The following TBC1D5 variants were observed in gnomAD, a reference collection of about 807,000 sequenced individuals.
The protein encoded by TBC1D5 is TBC1 domain family, member 5.
Under a neutral mutation model 100.3 loss-of-function variants are expected in TBC1D5, and 75 were observed. The ratio of observed to expected loss-of-function variants is 0.75; its 90% CI spans 0.62 to 0.91. The LOEUF is 0.91. Among genes scored for constraint, TBC1D5 ranks in the 40% least tolerant of loss-of-function variants. The pLI, the probability that TBC1D5 is intolerant of heterozygous loss-of-function variation, is 0.00. For missense variants in TBC1D5, 910 were observed against 942.4 expected (o/e 0.97, Z 0.45); for synonymous variants, 323 against 325.6 (o/e 0.99, Z 0.09).
Position 17,302,264 on chromosome 3 carries a change from G to C in TBC1D5, c.1138+5728C>G, listed in dbSNP as rs139452154. Among the ~76,000 whole-genome samples the C allele has an allele frequency of 3.6e-3, 527 of 146,994 alleles. 4 individuals are homozygous for C. The highest frequency in any genetic ancestry group is 0.013 in the African/African-American group (499 of 39,440). ...ATCACTCCAACCTCTGCTTCTGGCT[G>C]TCTTCACACGGCTTTCTTCTCCCTG... On this transcript the variant is annotated intron_variant, in intron 14 of 21. Coordinates refer to ENST00000253692, the Ensembl canonical transcript of TBC1D5.
At chr3:17,422,786 T>C (rs182148982) in intron 4 of TBC1D5, among the ~76,000 whole-genome samples, 84 of 152,294 alleles carry the variant, frequency 5.5e-4, no homozygotes, top group Non-Finnish European at 9.7e-4. Flanking sequence ...ATACGAATCT[T>C]TGTGCTAAAA....
chr3:17,438,181 C>T (rs1280599662), intron 3 of TBC1D5, among the ~76,000 whole-genome samples: 4 of 152,138 alleles, frequency 2.6e-5, no homozygotes, highest in Admixed American at 6.5e-5. Context: ...GCATTTTAGA[C>T]AATTACAAAA....
At chr3:17,171,740 T>C (rs1028323079) in intron 19 of TBC1D5, among the ~76,000 whole-genome samples, 2 of 152,176 alleles carry the variant, frequency 1.3e-5, no homozygotes, top group African/African-American at 4.8e-5. Context: ...TAAGGTCACG[T>C]TCACAGGTTC....
At chr3:17,593,552 G>T (rs929510080) in intron 2 of TBC1D5, among the ~76,000 whole-genome samples, 1 of 152,154 alleles carries the variant, frequency 6.6e-6, no homozygotes, top group Non-Finnish European at 1.5e-5. Context: ...GTCCTCACTG[G>T]AACAGACACT....
At chr3:17,558,026 AC>A (rs2096533536) in intron 2 of TBC1D5, among the ~76,000 whole-genome samples, 1 of 152,176 alleles carries the variant, frequency 6.6e-6, no homozygotes, top group Non-Finnish European at 1.5e-5. Flanking sequence ...GTTTACAACA[AC>A]CAAGTTCTTC....
chr3:17,578,384 C>CA (rs1307340637), intron 2 of TBC1D5, among the ~76,000 whole-genome samples: 2 of 151,912 alleles, frequency 1.3e-5, no homozygotes, highest in Non-Finnish European at 1.5e-5. Flanking sequence ...CTCATAAATC[C>CA]AAAAAATACA....
chr3:17,483,471 A>ATTGG, intron 3 of TBC1D5, among the ~76,000 whole-genome samples: 1 of 152,340 alleles, frequency 6.6e-6, no homozygotes, highest in African/African-American at 2.4e-5. Flanking sequence ...AAGAAAACTC[A>ATTGG]AAACTTTGCA....
chr3:17,326,340 T>G (rs890679782), intron 13 of TBC1D5, among the ~76,000 whole-genome samples: 1 of 152,262 alleles, frequency 6.6e-6, no homozygotes, highest in Non-Finnish European at 1.5e-5. Context: ...TTAGTTACTA[T>G]TCACAGTCCT....
intron 18 of TBC1D5, among the ~76,000 whole-genome samples, chr3:17,188,914 CACTG>C: frequency 6.6e-6 from 1 of 152,330 alleles, no homozygotes; most frequent in South Asian, 2.1e-4. Flanking sequence ...GTAACTAAGA[CACTG>C]AAGATAAATG....
chr3:17,170,592 G>A (rs1221721902), intron 19 of TBC1D5, among the ~76,000 whole-genome samples: 1 of 152,094 alleles, frequency 6.6e-6, no homozygotes, highest in Non-Finnish European at 1.5e-5. Context: ...CTGCCCCCAA[G>A]GTAATGGCGG....
chr3:17,429,129 T>C (rs2094400249), intron 3 of TBC1D5, among the ~76,000 whole-genome samples: 1 of 152,002 alleles, frequency 6.6e-6, no homozygotes, highest in South Asian at 2.1e-4. Flanking sequence ...AAAAGGTATT[T>C]GTCTTCTATA....
chr3:17,258,488 C>G lies in TBC1D5; in HGVS notation c.1331+18G>C. 6.2e-7 allele frequency: 1 copy of G among 1,601,814 alleles called. No homozygotes were observed. The highest frequency in any genetic ancestry group is 8.5e-7 in the Non-Finnish European group (1 of 1,173,680). On this transcript the variant is annotated intron_variant, in intron 16 of 21. Transcript: ENST00000253692. The stretch of plus-strand genomic sequence containing the variant: ...TACCTTTGTGATTTATAACTATCAT[C>G]AGAAAAAGGGGACTTACCGGCTTTT...
intron 13 of TBC1D5, among the ~76,000 whole-genome samples, chr3:17,364,689 G>A (rs187820962): frequency 5.3e-5 from 8 of 152,198 alleles, no homozygotes; most frequent in Admixed American, 5.2e-4. Context: ...AAGCATTTAT[G>A]TATAGTACCA....
rs183702343 is a variant in TBC1D5, at chr3:17,324,343, A to C, written c.996-16209T>G. 1.1e-3 allele frequency among the ~76,000 whole-genome samples: 172 copies of C among 152,326 alleles called. 1 individual carries two copies. The highest frequency in any genetic ancestry group is 3.8e-3 in the African/African-American group (160 of 41,584). On this transcript the variant is annotated intron_variant, in intron 13 of 21. Transcript: ENST00000253692. ...TAAAAACTTATCTTTGAAAGGTACC[A>C]TTAAGAAAATGAAAATAGGCCCGGT...
intron 1 of TBC1D5, among the ~76,000 whole-genome samples, chr3:17,725,988 T>C (rs2076094095): frequency 6.6e-6 from 1 of 152,192 alleles, no homozygotes; most frequent in East Asian, 1.9e-4. Flanking sequence ...GTTCCTGCAT[T>C]AGTTCACTTG....
At chr3:17,429,823 T>C (rs1424807005) in intron 3 of TBC1D5, among the ~76,000 whole-genome samples, 2 of 151,878 alleles carry the variant, frequency 1.3e-5, no homozygotes, top group Non-Finnish European at 2.9e-5. Context: ...TTTGGTGAGA[T>C]ATGTGCAGCT....
At chr3:17,238,321 C>T (rs373670416) in exon 17 of TBC1D5, 1 of 1,614,004 alleles carries the variant, frequency 6.2e-7, no homozygotes, top group Non-Finnish European at 8.5e-7. Flanking sequence ...GCCACCTGCA[C>T]TGCCTGGAGC....
chr3:17,701,043 T>C (rs887231905), intron 1 of TBC1D5, among the ~76,000 whole-genome samples: 1 of 152,256 alleles, frequency 6.6e-6, no homozygotes, highest in South Asian at 2.1e-4. Context: ...ATGTTTATTG[T>C]AGCACTATTC....
At chr3:17,300,679 A>G (rs2082731843) in intron 14 of TBC1D5, among the ~76,000 whole-genome samples, 1 of 152,242 alleles carries the variant, frequency 6.6e-6, no homozygotes, top group South Asian at 2.1e-4. Flanking sequence ...CAAGGCAGGA[A>G]GTGGGTAGAA....
Sources: allele counts gnomAD v4.1 joint callset (sites outside exome capture counted in the v4.1 genomes callset), GRCh38; gene constraint gnomAD v4.1.1; transcripts MANE v1.5; gene names NCBI Gene and HGNC (gene_info 2026-07-23, HGNC 2026-07-21).